The following NPAS3 variants were observed in gnomAD, a reference collection of about 807,000 sequenced individuals.
The protein encoded by NPAS3 is neuronal PAS domain protein 3, also known as neuronal PAS domain-containing protein 3.
Under a neutral mutation model 73.1 loss-of-function variants are expected in NPAS3, and 14 were observed. The observed-to-expected ratio is 0.19, with a 90% CI of 0.13 to 0.30. The LOEUF is 0.30. NPAS3 is among the 10% of genes least tolerant of loss of function. The pLI is 1.00. For missense variants in NPAS3, 1,096 were observed against 1,250.0 expected (o/e 0.88, Z 1.86); for synonymous variants, 620 against 541.5 (o/e 1.14, Z -2.01).
chr14:32,967,798 C>T (rs1011719926), intron 1 of NPAS3, among the ~76,000 whole-genome samples: 3 of 150,518 alleles, frequency 2.0e-5, no homozygotes, highest in Non-Finnish European at 4.4e-5. Flanking sequence ...AAATAAAAAA[C>T]GGTAGTATCA....
intron 1 of NPAS3, among the ~76,000 whole-genome samples, chr14:33,054,656 A>G (rs2040822210): frequency 6.7e-6 from 1 of 149,362 alleles, no homozygotes; most frequent in Non-Finnish European, 1.5e-5. Context: ...TCTGTCACCC[A>G]GGCTGGAGTG....
rs564842570 is a variant in NPAS3, at chr14:33,005,659, G to C, written c.51-50246G>C. ...GTTTAGAGTCAGACTGGGGTCGAAG[G>C]GGGGAGTTGTTCCAAATTTATAGGC... On this transcript the variant is annotated intron_variant, in intron 1 of 11. Transcript: ENST00000356141. 7.9e-5 allele frequency among the ~76,000 whole-genome samples: 12 copies of C among 152,250 alleles called. No individual in the cohort carries two copies. In the South Asian group the frequency reaches 8.3e-4, roughly 11 times the overall value.
At chr14:33,313,006 C>T (rs1042199714) in intron 3 of NPAS3, among the ~76,000 whole-genome samples, 3 of 151,940 alleles carry the variant, frequency 2.0e-5, no homozygotes, top group Admixed American at 6.6e-5. Flanking sequence ...AATTATGGAA[C>T]TTGCTTTTCC....
At chr14:32,945,881 G>C (rs1298130251) in intron 1 of NPAS3, among the ~76,000 whole-genome samples, 2 of 152,178 alleles carry the variant, frequency 1.3e-5, no homozygotes, top group East Asian at 1.9e-4. Flanking sequence ...GCTGAGTGGT[G>C]CCAGAAGAAT....
At chr14:33,705,068 A>G (rs1337382524) in intron 6 of NPAS3, among the ~76,000 whole-genome samples, 1 of 152,314 alleles carries the variant, frequency 6.6e-6, no homozygotes, top group African/African-American at 2.4e-5. Context: ...AAGCTGTCCA[A>G]TAGGGGAAGC....
chr14:33,601,585 G>A (rs1358283171), intron 5 of NPAS3, among the ~76,000 whole-genome samples: 2 of 152,146 alleles, frequency 1.3e-5, no homozygotes, highest in Non-Finnish European at 1.5e-5. Flanking sequence ...GACATCCAGA[G>A]CTCTTAATGA....
chr14:33,235,943 C>T (rs1377843500), intron 3 of NPAS3, among the ~76,000 whole-genome samples: 1 of 151,276 alleles, frequency 6.6e-6, no homozygotes, highest in African/African-American at 2.4e-5. Context: ...TGTGCATCCC[C>T]AAGTCTGACT....
At chr14:33,349,838 A>G (rs923149870) in intron 3 of NPAS3, among the ~76,000 whole-genome samples, 2 of 152,176 alleles carry the variant, frequency 1.3e-5, no homozygotes, top group Non-Finnish European at 1.5e-5. Flanking sequence ...GCATAACTGG[A>G]GGGAGTACCT....
intron 2 of NPAS3, among the ~76,000 whole-genome samples, chr14:33,099,488 T>A (rs1024101647): frequency 6.6e-6 from 1 of 151,824 alleles, no homozygotes; most frequent in African/African-American, 2.4e-5. Context: ...GAAAAAAAAA[T>A]GTAGTTTGAA....
intron 5 of NPAS3, among the ~76,000 whole-genome samples, chr14:33,624,930 A>G (rs898874611): frequency 6.6e-6 from 1 of 152,234 alleles, no homozygotes; most frequent in Non-Finnish European, 1.5e-5. Context: ...TTAATATTGA[A>G]TGAATACAGC....
At chr14:33,291,306 T>G (rs977590225) in intron 3 of NPAS3, among the ~76,000 whole-genome samples, 1 of 152,140 alleles carries the variant, frequency 6.6e-6, no homozygotes, top group African/African-American at 2.4e-5. Flanking sequence ...TGCCTAACTT[T>G]CTATATCATG....
intron 1 of NPAS3, among the ~76,000 whole-genome samples, chr14:32,970,670 G>A (rs551481808): frequency 2.0e-5 from 3 of 152,182 alleles, no homozygotes; most frequent in African/African-American, 7.2e-5. Flanking sequence ...GCTGTAAGGG[G>A]GAAACTGTTC....
intron 5 of NPAS3, among the ~76,000 whole-genome samples, chr14:33,641,542 T>C (rs190967679): frequency 9.8e-5 from 15 of 152,316 alleles, no homozygotes; most frequent in Admixed American, 5.9e-4. Flanking sequence ...GGTGATTCTT[T>C]TGACTGTGTC....
Position 33,338,699 on chromosome 14 carries a change from T to C in NPAS3, c.386-28487T>C, listed in dbSNP as rs2044338825. Among the ~76,000 whole-genome samples the C allele has an allele frequency of 2.6e-5, 4 of 152,208 alleles. 1 individual carries two copies. The South Asian group carries it at 8.3e-4, about 32-fold the overall frequency. On this transcript the variant is annotated intron_variant, in intron 3 of 11. Transcript: ENST00000356141. ...ATTCTGTGTTTTAACATTTTATGGT[T>C]ATGAGAACATACTATTTAATGCATC...
intron 4 of NPAS3, among the ~76,000 whole-genome samples, chr14:33,409,410 T>G (rs940153633): frequency 1.3e-5 from 2 of 152,208 alleles, no homozygotes; most frequent in African/African-American, 4.8e-5. Context: ...TATATGTGTT[T>G]TAGGATGAAG....
intron 2 of NPAS3, among the ~76,000 whole-genome samples, chr14:33,111,709 C>T (rs1193903841): frequency 3.3e-5 from 5 of 149,980 alleles, no homozygotes; most frequent in African/African-American, 4.9e-5. Flanking sequence ...ATGTGCACAA[C>T]GTGAAGGTTT....
chr14:33,756,166 T>C (rs2062110419), intron 7 of NPAS3, among the ~76,000 whole-genome samples: 1 of 152,184 alleles, frequency 6.6e-6, no homozygotes, highest in African/African-American at 2.4e-5. Context: ...GTATCCCTCT[T>C]TGCATTGGAA....
chr14:32,938,551 C>T (rs1400435599), upstream of NPAS3, among the ~76,000 whole-genome samples: 1 of 105,386 alleles, frequency 9.5e-6, no homozygotes, highest in African/African-American at 3.8e-5. Context: ...TGTCTGCGTA[C>T]GAGAGAGCGC....
chr14:33,272,093 C>A (rs556095460), intron 3 of NPAS3, among the ~76,000 whole-genome samples: 4 of 152,174 alleles, frequency 2.6e-5, no homozygotes, highest in Non-Finnish European at 4.4e-5. Flanking sequence ...AGCCTCCTTG[C>A]GTAGCACTTG....
Sources: gnomAD v4.1 joint callset for allele counts (sites outside exome capture counted in the v4.1 genomes callset) on GRCh38, gnomAD v4.1.1 for gene constraint, MANE v1.5 for transcripts, NCBI Gene and HGNC (gene_info 2026-07-23, HGNC 2026-07-21) for gene names.